PTPRF: variants seen among roughly 807,000 people sequenced by gnomAD.
PTPRF encodes receptor-type tyrosine-protein phosphatase F.
In PTPRF, 59 loss-of-function variants were observed where a neutral mutation model predicts 201.8. The ratio of observed to expected loss-of-function variants is 0.29; its 90% CI spans 0.24 to 0.36. The LOEUF (loss-of-function observed/expected upper bound fraction) is 0.36. Ranked by LOEUF, PTPRF falls within the 10% of genes least tolerant of loss-of-function variation. The probability of loss-of-function intolerance (pLI) is 1.00; values close to 1 mark genes in which losing one functional copy is unlikely to be tolerated. For synonymous variants in PTPRF, 1,088 were observed against 1,089.7 expected (o/e 1.00, Z 0.03); for missense variants, 2,132 against 2,690.5 (o/e 0.79, Z 4.59).
At chr1:43,529,900 C>T (rs1643300811), upstream of PTPRF, among the ~76,000 whole-genome samples, 1 of 152,088 alleles carries the variant, frequency 6.6e-6, no homozygotes, top group South Asian at 2.1e-4. Context: ...AGGGCATTAT[C>T]ATGTCTTTAA....
intron 23 of PTPRF, among the ~76,000 whole-genome samples, chr1:43,614,994 C>T (rs1332228908): frequency 6.6e-6 from 1 of 152,206 alleles, no homozygotes; most frequent in Admixed American, 6.5e-5. Context: ...TCCTCAGCAC[C>T]TGGCACTGGC....
chr1:43,581,577 C>G (rs975888888), intron 7 of PTPRF, among the ~76,000 whole-genome samples: 1 of 152,254 alleles, frequency 6.6e-6, no homozygotes, highest in African/African-American at 2.4e-5. Context: ...CACTGCTCGT[C>G]ATCTCATGGT....
At chr1:43,621,814 A>G in intron 33 of PTPRF, 121 bp from the exon 34 acceptor site, 1 of 929,550 alleles carries the variant, frequency 1.1e-6, no homozygotes, top group Non-Finnish European at 1.7e-6. Context: ...TGTAGCTGCC[A>G]GGGTCCAGCA....
At chr1:43,565,822 A>G (rs10890255) in intron 5 of PTPRF, among the ~76,000 whole-genome samples, 108,293 of 152,076 alleles carry the variant, frequency 0.71, 39,041 homozygotes, top group East Asian at 0.77. Flanking sequence ...GGGCGGTGCC[A>G]GGGCGGACAG....
chr1:43,604,541 G>A (rs1014468960), intron 16 of PTPRF, among the ~76,000 whole-genome samples: 1 of 152,164 alleles, frequency 6.6e-6, no homozygotes, highest in East Asian at 1.9e-4. Flanking sequence ...TAGTGAACAT[G>A]CTCCACCACG....
In PTPRF at chr1:43,569,696, A is replaced by G; in HGVS notation, c.486A>G (p.Pro162=). 1 of 1,614,128 alleles carries G rather than the reference A, an allele frequency of 6.2e-7. No individual in the cohort carries two copies. Among genetic ancestry groups the G allele is most frequent in the East Asian group, 2.2e-5 (1 of 44,876 alleles). The change falls in exon 6 of 34, where the codon CCA becomes CCG. Residue 162 remains proline, a synonymous_variant. Coordinates refer to ENST00000359947, the MANE Select transcript of PTPRF (RefSeq NM_002840.5). Reference sequence around the variant, plus strand: ...TGCTATGTGCCGCAGGCGGAAATCCAGACCCTGAGATTTCTTGGTTCAAGG... The same window carrying G: ...TGCTATGTGCCGCAGGCGGAAATCCGGACCCTGAGATTTCTTGGTTCAAGG... ...ATMLCAAGGN[P]DPEISWFKDF...
At position 43,605,266 on chromosome 1, in the gene PTPRF, C is replaced by G. The variant is rs1222402946; in HGVS notation, c.3212C>G (p.Thr1071Arg). ...RKLIADLQPN[T>R]EYSFVLMNRG... ...CTGATCGCAGACCTGCAGCCCAACA[C>G]AGAGTACTCGTTTGTGCTGATGAAC... The change falls in exon 18 of 34, where the codon ACA becomes AGA. Residue 1071 changes from threonine (T) to arginine (R), a missense_variant. Thr to Arg is a moderately conservative substitution (Grantham distance 71, BLOSUM62 -1). Around this residue, in one of 6 missense-constraint regions of PTPRF, gnomAD observed 818 missense variants for 915.3 expected, o/e 0.89. Transcript: ENST00000359947. 6.2e-7 allele frequency: 1 copy of G among 1,612,418 alleles called. No individual in the cohort carries two copies. Among genetic ancestry groups the G allele is most frequent in the South Asian group, 1.1e-5 (1 of 91,040 alleles).
intron 6 of PTPRF, among the ~76,000 whole-genome samples, chr1:43,572,825 C>T (rs1438379239): frequency 1.3e-5 from 2 of 152,082 alleles, no homozygotes; most frequent in South Asian, 2.1e-4. Flanking sequence ...GGTCACACAT[C>T]GAGACTCGGC....
intron 1 of PTPRF, among the ~76,000 whole-genome samples, chr1:43,536,758 C>T (rs777767060): frequency 2.6e-5 from 4 of 152,060 alleles, no homozygotes; most frequent in South Asian, 2.1e-4. Flanking sequence ...GCTTGGGGAG[C>T]GGGGAGGGAA....
intron 5 of PTPRF, among the ~76,000 whole-genome samples, chr1:43,564,899 C>T (rs1570008040): frequency 1.3e-5 from 2 of 152,292 alleles, no homozygotes; most frequent in South Asian, 4.1e-4. Context: ...CCCAGAGACT[C>T]ACCCTCAGGC....
intron 6 of PTPRF, among the ~76,000 whole-genome samples, chr1:43,574,421 T>G (rs928579513): frequency 2.0e-5 from 3 of 152,206 alleles, no homozygotes; most frequent in South Asian, 4.1e-4. Flanking sequence ...ATAACATTTT[T>G]AAGGAAAAAT....
At chr1:43,598,102 C>T in intron 12 of PTPRF, 49 bp downstream of exon 12, 1 of 1,430,896 alleles carries the variant, frequency 7.0e-7, no homozygotes, top group Non-Finnish European at 9.2e-7. Flanking sequence ...CCTCAGACAC[C>T]ACCCACCAAG....
At chr1:43,615,497 C>G (rs937445741) in intron 23 of PTPRF, among the ~76,000 whole-genome samples, 1 of 150,764 alleles carries the variant, frequency 6.6e-6, no homozygotes, top group African/African-American at 2.4e-5. Flanking sequence ...CCTTCTCAGG[C>G]TCCCCAAGGC....
upstream of PTPRF, among the ~76,000 whole-genome samples, chr1:43,524,130 C>T (rs185876344): frequency 7.8e-3 from 1,179 of 151,238 alleles, 22 homozygotes; most frequent in African/African-American, 0.028. Context: ...AACCAAATAC[C>T]GTACATCCTC....
chr1:43,587,932 G>A (rs1649579613), intron 7 of PTPRF, among the ~76,000 whole-genome samples: 1 of 151,956 alleles, frequency 6.6e-6, no homozygotes, highest in East Asian at 2.0e-4. Flanking sequence ...GTCCAAGGCT[G>A]GAGGTCGTGG....
At chr1:43,540,852 A>C (rs1644317777) in intron 2 of PTPRF, among the ~76,000 whole-genome samples, 1 of 152,212 alleles carries the variant, frequency 6.6e-6, no homozygotes, top group Non-Finnish European at 1.5e-5. Flanking sequence ...GGCTGAGACT[A>C]TAATTTATTC....
At chr1:43,613,471 C>T (rs931631518) in intron 22 of PTPRF, 147 bp from the exon 23 acceptor site, 29 of 707,878 alleles carry the variant, frequency 4.1e-5, no homozygotes, top group East Asian at 3.1e-4. Context: ...TCCCTGTCGC[C>T]GCATGTGCTG....
Position 43,545,114 on chromosome 1 carries a change from C to G in PTPRF, c.39C>G (p.Pro13=). The change falls in exon 3 of 34, where the codon CCC becomes CCG. Residue 13 remains proline, a synonymous_variant. Transcript: ENST00000359947. ...PEPAPGRTMV[P]LVPALVMLGL... is the part of the protein sequence containing the mutation. ...CAGCCCCAGGGAGGACGATGGTGCCCCTTGTGCCTGCACTGGTGATGCTTG... is the reference window on the plus strand; with the variant it reads ...CAGCCCCAGGGAGGACGATGGTGCCGCTTGTGCCTGCACTGGTGATGCTTG... The G allele has an allele frequency of 6.3e-7, 1 of 1,589,886 alleles. No individual in the cohort carries two copies. The highest frequency in any genetic ancestry group is 1.2e-5 in the South Asian group (1 of 86,928).
chr1:43,575,848 TTTCC>T, intron 6 of PTPRF: 1 of 1,317,832 alleles, frequency 7.6e-7, no homozygotes, highest in Non-Finnish European at 1.0e-6. Context: ...TTTGTGTGGC[TTTCC>T]TTCCTTTTAT....
Sources: gnomAD v4.1 joint callset for allele counts (sites outside exome capture counted in the v4.1 genomes callset) on GRCh38, gnomAD v4.1.1 for gene constraint, gnomAD v4.1.1 regional missense constraint, MANE v1.5 for transcripts, NCBI Gene and HGNC (gene_info 2026-07-23, HGNC 2026-07-21) for gene names.